MILR1: variants seen among roughly 807,000 people sequenced by gnomAD.
MILR1 encodes allergin-1.
A neutral mutation model predicts 18.5 loss-of-function variants in MILR1; 31 were observed. That is an observed-to-expected ratio of 1.68 (90% CI 1.26 to 2.26). The LOEUF (loss-of-function observed/expected upper bound fraction) is 2.26, where lower values mean the gene tolerates loss of function less well. Among genes scored for constraint, MILR1 ranks in the 30% most tolerant of loss-of-function variants. The pLI, the probability that MILR1 is intolerant of heterozygous loss-of-function variation, is 0.00. For missense variants in MILR1, 257 were observed against 157.4 expected, an observed-to-expected ratio of 1.63 and a Z score of -3.38; for synonymous variants, 85 against 56.2, an observed-to-expected ratio of 1.51 and a Z score of -2.30.
chr17:64,473,751 G>A, the MILR1 span, among the ~76,000 whole-genome samples: 1 of 152,108 alleles, frequency 6.6e-6, no homozygotes, highest in Admixed American at 6.6e-5. Flanking sequence ...AAAAGCAATT[G>A]GGTTGGAAGG....
chr17:64,480,413 A>T, the MILR1 span: 1 of 1,154,342 alleles, frequency 8.7e-7, no homozygotes, highest in Admixed American at 1.7e-5. Context: ...GAAAAACTTC[A>T]AATATGAAAG....
chr17:64,495,860 C>T, the MILR1 span, among the ~76,000 whole-genome samples: 3 of 152,042 alleles, frequency 2.0e-5, no homozygotes, highest in South Asian at 2.1e-4. Flanking sequence ...AGGCGCTCGC[C>T]GTCACGGCCG....
the MILR1 span, chr17:64,496,694 A>C: frequency 6.2e-7 from 1 of 1,614,042 alleles, no homozygotes. Flanking sequence ...GCACCCACTC[A>C]GAAGAGAATC....
chr17:64,489,071 G>C, the MILR1 span, among the ~76,000 whole-genome samples: 1 of 148,034 alleles, frequency 6.8e-6, no homozygotes, highest in African/African-American at 2.5e-5. Flanking sequence ...TGTTGCACAG[G>C]CTGGAGTGCA....
At chr17:64,492,198 A>G in the MILR1 span, among the ~76,000 whole-genome samples, 1 of 152,188 alleles carries the variant, frequency 6.6e-6, no homozygotes, top group Non-Finnish European at 1.5e-5. Context: ...TACAGTTTAA[A>G]TGGGTATTTG....
chr17:64,475,239 T>C, the MILR1 span, among the ~76,000 whole-genome samples: 1 of 150,828 alleles, frequency 6.6e-6, no homozygotes, highest in Admixed American at 6.6e-5. Flanking sequence ...TGGCCAAAGA[T>C]GGGACAATTT....
the MILR1 span, chr17:64,496,713 G>C: frequency 6.2e-7 from 1 of 1,614,110 alleles, no homozygotes; most frequent in Non-Finnish European, 8.5e-7. Flanking sequence ...TCCCGGCTAA[G>C]CTGCTGCTTG....
chr17:64,480,258 A>T, the MILR1 span: 1 of 984,040 alleles, frequency 1.0e-6, no homozygotes, highest in Non-Finnish European at 1.6e-6. Context: ...TCTTGAATAA[A>T]TACACTCTTT....
chr17:64,459,890 G>T lies in MILR1; in HGVS notation c.653-932G>T, dbSNP rs939417319. On this transcript the variant is annotated intron_variant, in intron 4 of 9. Transcript: ENST00000619286. Reference sequence around the variant, plus strand: ...GACCCCAGAAATGTTGCTGGTATTCGTCCTGTTAAATTCTGTGCTGCTTTT... The same window carrying T: ...GACCCCAGAAATGTTGCTGGTATTCTTCCTGTTAAATTCTGTGCTGCTTTT... 4.7e-3 allele frequency among the ~76,000 whole-genome samples: 715 copies of T among 152,212 alleles called. 7 individuals are homozygous for T. Among genetic ancestry groups the T allele is most frequent in the African/African-American group, 0.016 (684 of 41,526 alleles).
chr17:64,469,642 G>A (rs557059058), downstream of MILR1, among the ~76,000 whole-genome samples: 17 of 152,132 alleles, frequency 1.1e-4, no homozygotes, highest in African/African-American at 1.2e-4. Context: ...CAAGTGATCC[G>A]CCCACCTCGG....
chr17:64,470,135 C>T (rs550723759), downstream of MILR1, among the ~76,000 whole-genome samples: 1 of 152,246 alleles, frequency 6.6e-6, no homozygotes, highest in South Asian at 2.1e-4. Flanking sequence ...TCTCTGTTGC[C>T]CAGGCTGGAG....
the MILR1 span, among the ~76,000 whole-genome samples, chr17:64,474,265 G>A: frequency 6.6e-6 from 1 of 152,142 alleles, no homozygotes; most frequent in Non-Finnish European, 1.5e-5. Flanking sequence ...AGAAGAAACG[G>A]GGTTTCACCG....
intron 2 of MILR1, among the ~76,000 whole-genome samples, chr17:64,449,678 G>C (rs992901318): frequency 7.9e-5 from 12 of 152,248 alleles, no homozygotes; most frequent in Non-Finnish European, 1.5e-4. Context: ...CCTCCGGCCT[G>C]TAATCGCAGC....
the MILR1 span, among the ~76,000 whole-genome samples, chr17:64,494,996 AC>A: frequency 8.6e-5 from 13 of 151,786 alleles, no homozygotes; most frequent in Admixed American, 7.2e-4. Flanking sequence ...ACAAGGTGAA[AC>A]CCCGTCTCTA....
rs1014967775 is a variant in MILR1, at chr17:64,452,842, C to T, written c.343C>T (p.Arg115Cys). 136 of 475,162 alleles carry T rather than the reference C, an allele frequency of 2.9e-4. No individual in the cohort carries two copies. Among genetic ancestry groups the T allele is most frequent in the Non-Finnish European group, 4.4e-4 (114 of 259,010 alleles). The allele number at this position is 475,162 out of a possible 1,614,324, so 29.4% of individuals were successfully genotyped here. Residue 115 changes from arginine to cysteine, a missense_variant, in exon 3 of 10, where the codon CGT becomes TGT. By Grantham distance (180) the Arg-to-Cys change is radical. Coordinates refer to ENST00000619286, the MANE Select transcript of MILR1 (RefSeq NM_001085423.2). ...AGTTACCAGCTGTTCAAAATACAGT[C>T]GTGACTTCAGCTTCACGATTGTCGG... The part of the protein sequence containing the change: ...AQVTSCSKYS[R>C]DFSFTIVDPV...
rs1385698591 is a variant in MILR1 at position 64,457,590 on chromosome 17, G to T, written c.558G>T (p.Lys186Asn). The T allele has an allele frequency of 4.2e-6, 2 of 475,224 alleles. No individual in the cohort carries two copies. The allele number at this position is 475,224 out of a possible 1,614,324, so 29.4% of individuals were successfully genotyped here. The change falls in exon 4 of 10, where the codon AAG (lysine) becomes AAT (asparagine). Residue 186 changes from lysine (K) to asparagine (N), a missense_variant. By Grantham distance (94) the Lys-to-Asn change is moderately conservative. Coordinates refer to ENST00000619286, the MANE Select transcript of MILR1 (RefSeq NM_001085423.2). ...CTGCTGAATTTAACTTAACCAAGAA[G>T]AATCCTGGAGAAGAGGAAGAGTATA... ...REPAEFNLTK[K>N]NPGEEEEYRC...
At chr17:64,488,587 A>G in the MILR1 span, among the ~76,000 whole-genome samples, 1 of 152,142 alleles carries the variant, frequency 6.6e-6, no homozygotes, top group Non-Finnish European at 1.5e-5. Flanking sequence ...GCCACAATAC[A>G]AAAATCATCT....
chr17:64,483,737 A>C, the MILR1 span, among the ~76,000 whole-genome samples: 2 of 141,322 alleles, frequency 1.4e-5, no homozygotes, highest in Non-Finnish European at 3.1e-5. Context: ...TTTTTTTTTT[A>C]AAGGGTCTGG....
the MILR1 span, among the ~76,000 whole-genome samples, chr17:64,474,283 C>G: frequency 6.6e-6 from 1 of 152,164 alleles, no homozygotes. Flanking sequence ...CCGTGTTGGC[C>G]AGGCTGATCT....
Sources: allele counts gnomAD v4.1 joint callset (sites outside exome capture counted in the v4.1 genomes callset), GRCh38; gene constraint gnomAD v4.1.1; transcripts MANE v1.5; gene names NCBI Gene and HGNC (gene_info 2026-07-23, HGNC 2026-07-21).